Variants in RGL1 observed in about 807,000 individuals in gnomAD.
RGL1 encodes ral guanine nucleotide dissociation stimulator-like 1.
A neutral mutation model predicts 95.2 loss-of-function variants in RGL1; 24 were observed. That is an observed-to-expected ratio of 0.25 (90% CI 0.18 to 0.35). The LOEUF is 0.35. Ranked by LOEUF, RGL1 falls within the 10% of genes least tolerant of loss-of-function variation. The pLI is 1.00. For missense variants in RGL1, 715 were observed against 936.3 expected (o/e 0.76, Z 3.08); for synonymous variants, 329 against 344.9 (o/e 0.95, Z 0.51).
chr1:183,673,216 T>C (rs1652588069), intron 1 of RGL1, among the ~76,000 whole-genome samples: 1 of 152,232 alleles, frequency 6.6e-6, no homozygotes, highest in Non-Finnish European at 1.5e-5. Context: ...TAGAGAAAAT[T>C]TGCCTTTGAT....
chr1:183,816,965 T>G (rs1662135077), intron 2 of RGL1, among the ~76,000 whole-genome samples: 1 of 152,232 alleles, frequency 6.6e-6, no homozygotes, highest in South Asian at 2.1e-4. Context: ...AACCCCATAC[T>G]CACAGGATTC....
At chr1:183,872,402 G>T (rs1449527078) in intron 4 of RGL1, among the ~76,000 whole-genome samples, 2 of 152,132 alleles carry the variant, frequency 1.3e-5, no homozygotes, top group Non-Finnish European at 2.9e-5. Context: ...CTATTATAAG[G>T]TTGAAATTGT....
chr1:183,682,173 T>C (rs1295374092), intron 1 of RGL1, among the ~76,000 whole-genome samples: 1 of 152,200 alleles, frequency 6.6e-6, no homozygotes, highest in Non-Finnish European at 1.5e-5. Context: ...TCTCCTTGAG[T>C]TCTGCTCTGG....
chr1:183,727,896 G>A (rs1656402602), intron 1 of RGL1, among the ~76,000 whole-genome samples: 1 of 152,204 alleles, frequency 6.6e-6, no homozygotes, highest in African/African-American at 2.4e-5. Flanking sequence ...GTATTAGCTT[G>A]ACTGGGCTAT....
At chr1:183,830,408 C>T (rs1245496196) in intron 2 of RGL1, among the ~76,000 whole-genome samples, 1 of 152,170 alleles carries the variant, frequency 6.6e-6, no homozygotes, top group East Asian at 1.9e-4. Context: ...AGTCCAATGC[C>T]TCACAAGTAA....
chr1:183,882,368 A>C (rs1049857108), intron 5 of RGL1, among the ~76,000 whole-genome samples: 2 of 152,242 alleles, frequency 1.3e-5, no homozygotes, highest in African/African-American at 2.4e-5. Context: ...TCTGCATTGC[A>C]GGGCAAATGG....
At chr1:183,768,494 G>A (rs1458125888) in intron 2 of RGL1, among the ~76,000 whole-genome samples, 1 of 140,468 alleles carries the variant, frequency 7.1e-6, no homozygotes, top group Non-Finnish European at 1.5e-5. Context: ...TGGAGACAGG[G>A]CCTTTGCTCT....
At chr1:183,801,991 C>T (rs187461911), upstream of RGL1, among the ~76,000 whole-genome samples, 1 of 152,316 alleles carries the variant, frequency 6.6e-6, no homozygotes, top group East Asian at 1.9e-4. Flanking sequence ...TAAATTTCAA[C>T]ATAAGATTAT....
At chr1:183,850,177 G>A (rs906220136) in intron 3 of RGL1, among the ~76,000 whole-genome samples, 5 of 152,140 alleles carry the variant, frequency 3.3e-5, no homozygotes, top group African/African-American at 1.2e-4. Context: ...TCTTTTCTGT[G>A]AACTGCCTTT....
chr1:183,707,841 A>G (rs186702262), intron 1 of RGL1, among the ~76,000 whole-genome samples: 91 of 151,970 alleles, frequency 6.0e-4, no homozygotes, highest in African/African-American at 2.2e-3. Context: ...TGGGAGAGGT[A>G]GACAGCAGAC....
chr1:183,658,758 C>G (rs959866183), intron 1 of RGL1, among the ~76,000 whole-genome samples: 1 of 152,174 alleles, frequency 6.6e-6, no homozygotes, highest in South Asian at 2.1e-4. Flanking sequence ...ACTGCCTCCT[C>G]AAGTGGGTCC....
intron 3 of RGL1, among the ~76,000 whole-genome samples, chr1:183,862,217 TCTGTGGTCCCAGCTAGTGC>T (rs1427166367): frequency 3.9e-5 from 6 of 152,056 alleles, no homozygotes; most frequent in African/African-American, 7.2e-5. Context: ...GTGGCATGCA[TCTGTGGTCCCAGCTAGTGC>T]CTGTGGTCCC....
chr1:183,872,953 G>A (rs536315065), intron 4 of RGL1, among the ~76,000 whole-genome samples: 1 of 152,152 alleles, frequency 6.6e-6, no homozygotes, highest in Non-Finnish European at 1.5e-5. Context: ...AAGAAATGAA[G>A]AAGTGATATG....
chr1:183,656,437 A>T (rs1651171064), intron 1 of RGL1, among the ~76,000 whole-genome samples: 1 of 152,234 alleles, frequency 6.6e-6, no homozygotes, highest in African/African-American at 2.4e-5. Context: ...TTGTAACCTA[A>T]CTGGAATGTA....
intron 2 of RGL1, among the ~76,000 whole-genome samples, chr1:183,829,662 G>A (rs1663125297): frequency 6.6e-6 from 1 of 152,060 alleles, no homozygotes; most frequent in Non-Finnish European, 1.5e-5. Flanking sequence ...TTGATACTAA[G>A]TTGAGTATCA....
At chr1:183,774,516 T>C (rs1156364751) in intron 2 of RGL1, among the ~76,000 whole-genome samples, 1 of 151,900 alleles carries the variant, frequency 6.6e-6, no homozygotes, top group African/African-American at 2.4e-5. Context: ...TGGATAAACA[T>C]AGAAATTAAC....
At chr1:183,803,640 A>G (rs949885675), upstream of RGL1, among the ~76,000 whole-genome samples, 1 of 152,194 alleles carries the variant, frequency 6.6e-6, no homozygotes, top group East Asian at 1.9e-4. Flanking sequence ...CCTGAAATGG[A>G]AATATTTCAG....
intron 4 of RGL1, among the ~76,000 whole-genome samples, chr1:183,875,508 A>C (rs1666439761): frequency 1.3e-5 from 2 of 152,012 alleles, no homozygotes; most frequent in African/African-American, 2.4e-5. Context: ...ATTTTCTTTT[A>C]TCTCTCAGCC....
intron 2 of RGL1, among the ~76,000 whole-genome samples, chr1:183,763,998 A>G (rs969842201): frequency 2.6e-5 from 4 of 152,216 alleles, no homozygotes; most frequent in South Asian, 2.1e-4. Context: ...TTTGGCTCCA[A>G]TGAGACTACC....
Sources: gnomAD v4.1 joint callset for allele counts (sites outside exome capture counted in the v4.1 genomes callset) on GRCh38, gnomAD v4.1.1 for gene constraint, MANE v1.5 for transcripts, NCBI Gene and HGNC (gene_info 2026-07-23, HGNC 2026-07-21) for gene names.